PPP1R12B: variants seen among roughly 807,000 people sequenced by gnomAD.
PPP1R12B encodes myosin phosphatase target subunit 2.
Under a neutral mutation model 126.1 loss-of-function variants are expected in PPP1R12B, and 76 were observed. The observed-to-expected ratio is 0.60, with a 90% CI of 0.50 to 0.73. The LOEUF (loss-of-function observed/expected upper bound fraction) is 0.73, where lower values mean the gene tolerates loss of function less well. Ranked by LOEUF, PPP1R12B falls within the 30% of genes least tolerant of loss-of-function variation. The pLI, the probability that PPP1R12B is intolerant of heterozygous loss-of-function variation, is 0.00. For missense variants in PPP1R12B, 1,052 were observed against 1,205.1 expected (o/e 0.87, Z 1.88); for synonymous variants, 356 against 434.7 (o/e 0.82, Z 2.25).
At chr1:202,486,166 G>GC (rs1324616993) in intron 13 of PPP1R12B, among the ~76,000 whole-genome samples, 1 of 152,104 alleles carries the variant, frequency 6.6e-6, no homozygotes, top group Non-Finnish European at 1.5e-5. Context: ...ACAGGCATGA[G>GC]CTACTGCTCC....
At position 202,368,907 on chromosome 1, in the gene PPP1R12B, T is replaced by A. The variant is rs529825937; in HGVS notation, c.291+19765T>A. Among the ~76,000 whole-genome samples the A allele has an allele frequency of 2.0e-5, 3 of 152,236 alleles. No homozygotes were observed. The South Asian group carries it at 6.2e-4, about 32-fold the overall frequency. ...CCACCATGCCTGGCTATTTTTAATT[T>A]TTGTACAGATGAGGTCTCTCTATGT... On this transcript the variant is annotated intron_variant, in intron 1 of 23. Coordinates refer to ENST00000608999, the MANE Select transcript of PPP1R12B (RefSeq NM_002481.4).
chr1:202,418,242 CATTT>C (rs1668334774), intron 2 of PPP1R12B, among the ~76,000 whole-genome samples: 1 of 152,160 alleles, frequency 6.6e-6, no homozygotes, highest in Non-Finnish European at 1.5e-5. Flanking sequence ...TTACTTAAAA[CATTT>C]ATTTAAGAAA....
intron 2 of PPP1R12B, chr1:202,417,455 A>T: frequency 1.0e-6 from 1 of 971,094 alleles, no homozygotes. Flanking sequence ...ATTTAATAAG[A>T]TACATTAGGA....
At position 202,495,690 on chromosome 1, in the gene PPP1R12B, G is replaced by A. The variant is rs1487712711; in HGVS notation, c.2448+8G>A. On this transcript the variant is annotated splice_region_variant and intron_variant, in intron 17 of 23. Transcript: ENST00000608999. Reference sequence around the variant, plus strand: ...AATTTCTGGACAAAGGATGTAAGTGGATTGGTCTGTGCTGAGGCATATCAT... The same window carrying A: ...AATTTCTGGACAAAGGATGTAAGTGAATTGGTCTGTGCTGAGGCATATCAT... 3 of 1,611,584 alleles carry A rather than the reference G, an allele frequency of 1.9e-6. No individual in the cohort carries two copies. Among genetic ancestry groups the A allele is most frequent in the East Asian group, 4.5e-5 (2 of 44,864 alleles).
At chr1:202,367,579 TC>T (rs1659460625) in intron 1 of PPP1R12B, among the ~76,000 whole-genome samples, 1 of 152,158 alleles carries the variant, frequency 6.6e-6, no homozygotes, top group African/African-American at 2.4e-5. Context: ...GGGCCTCACA[TC>T]TGTTTTTCCT....
At chr1:202,510,038 G>A (rs1186227974) in intron 18 of PPP1R12B, among the ~76,000 whole-genome samples, 1 of 152,200 alleles carries the variant, frequency 6.6e-6, no homozygotes, top group Non-Finnish European at 1.5e-5. Context: ...TGTTCACACA[G>A]ATGTGCCTTT....
rs1378304571 is a variant in PPP1R12B at position 202,567,417 on chromosome 1, A to G, written c.2758-361A>G. 6 of 185,440 alleles carry G rather than the reference A, an allele frequency of 3.2e-5. No homozygotes were observed. In the East Asian group the frequency reaches 7.9e-4, roughly 24 times the overall value. 11.5% of individuals were successfully genotyped at this position (185,440 alleles called of 1,614,324 possible). On this transcript the variant is annotated intron_variant, in intron 21 of 23. Transcript: ENST00000608999. The stretch of plus-strand genomic sequence containing the variant: ...TTTGTTATTTCCTCTGGGTTGTGAT[A>G]TTACTCATAGAATGAAGAGAGGAGA...
At position 202,348,903 on chromosome 1, in the gene PPP1R12B, C is replaced by A. The variant is rs1305787514; in HGVS notation, c.52C>A (p.Arg18=). The change falls in exon 1 of 24, where the codon CGG becomes AGG. Residue 18 remains arginine (R), a synonymous_variant. Transcript: ENST00000608999. Reference sequence around the variant, plus strand: ...GAAGCGGGCAGAGTCGGCGCGAATGCGGCGGGCAGAGCAGCTTCGGCGCTG... The same window carrying A: ...GAAGCGGGCAGAGTCGGCGCGAATGAGGCGGGCAGAGCAGCTTCGGCGCTG... ...GGKRAESARM[R]RAEQLRRWRG... is the part of the protein sequence containing the mutation. 4 of 1,609,714 alleles carry A rather than the reference C, an allele frequency of 2.5e-6. No individual in the cohort carries two copies. Among genetic ancestry groups the A allele is most frequent in the Non-Finnish European group, 3.4e-6 (4 of 1,178,920 alleles).
intron 18 of PPP1R12B, among the ~76,000 whole-genome samples, chr1:202,515,840 C>T (rs1216189482): frequency 1.3e-5 from 2 of 152,182 alleles, no homozygotes; most frequent in East Asian, 3.8e-4. Context: ...CAGGTGTGCA[C>T]CACCACACCT....
intron 13 of PPP1R12B, among the ~76,000 whole-genome samples, chr1:202,487,934 A>G (rs984548277): frequency 6.6e-6 from 1 of 152,174 alleles, no homozygotes; most frequent in Admixed American, 6.5e-5. Context: ...GGATGACTGA[A>G]CCTACAGATA....
chr1:202,512,677 A>C (rs1681663902), intron 18 of PPP1R12B, among the ~76,000 whole-genome samples: 1 of 152,204 alleles, frequency 6.6e-6, no homozygotes, highest in Non-Finnish European at 1.5e-5. Context: ...TTTTAAATAA[A>C]TAAAGGCAGC....
At chr1:202,403,028 T>C (rs978104531) in intron 1 of PPP1R12B, among the ~76,000 whole-genome samples, 5 of 152,230 alleles carry the variant, frequency 3.3e-5, no homozygotes, top group African/African-American at 9.6e-5. Flanking sequence ...GGGGGGTCAC[T>C]GTGAACTTCT....
At chr1:202,433,429 C>A (rs1052368141) in intron 8 of PPP1R12B, among the ~76,000 whole-genome samples, 4 of 152,160 alleles carry the variant, frequency 2.6e-5, no homozygotes, top group Non-Finnish European at 5.9e-5. Context: ...TTATGCTACA[C>A]CTCTGTTTAA....
chr1:202,464,041 C>T (rs763698105), intron 13 of PPP1R12B, among the ~76,000 whole-genome samples: 122 of 152,112 alleles, frequency 8.0e-4, no homozygotes, highest in Non-Finnish European at 1.5e-3. Context: ...ACCTTCTTTG[C>T]TTAACAAAAT....
chr1:202,534,268 A>T (rs978787050), intron 18 of PPP1R12B, among the ~76,000 whole-genome samples: 2 of 152,146 alleles, frequency 1.3e-5, no homozygotes, highest in Non-Finnish European at 2.9e-5. Flanking sequence ...TTCTAGCACA[A>T]GAGATCAGGC....
intron 10 of PPP1R12B, among the ~76,000 whole-genome samples, chr1:202,440,225 A>C (rs1671431559): frequency 6.6e-6 from 1 of 152,120 alleles, no homozygotes; most frequent in Non-Finnish European, 1.5e-5. Flanking sequence ...CTTGCTTTAT[A>C]TCTCTGGAGA....
intron 14 of PPP1R12B, among the ~76,000 whole-genome samples, chr1:202,488,881 A>G (rs900336738): frequency 6.6e-6 from 1 of 152,132 alleles, no homozygotes; most frequent in Non-Finnish European, 1.5e-5. Flanking sequence ...TGTCTCTACT[A>G]AAAATATGAA....
At chr1:202,440,633 T>C (rs1403694370) in intron 10 of PPP1R12B, 73 bp from the exon 11 acceptor site, 2 of 1,169,888 alleles carry the variant, frequency 1.7e-6, no homozygotes, top group Non-Finnish European at 1.3e-6. Flanking sequence ...TAAGTTCTGC[T>C]TTTTTACTCA....
intron 10 of PPP1R12B, 95 bp from the exon 11 acceptor site, chr1:202,440,611 A>G: frequency 1.2e-6 from 1 of 825,568 alleles, no homozygotes; most frequent in South Asian, 1.7e-5. Context: ...AAATAAGATG[A>G]TATAGGTATA....
Sources: allele counts gnomAD v4.1 joint callset (sites outside exome capture counted in the v4.1 genomes callset), GRCh38; gene constraint gnomAD v4.1.1; transcripts MANE v1.5; gene names NCBI Gene and HGNC (gene_info 2026-07-23, HGNC 2026-07-21).